The following AKAP19 variants were observed in gnomAD, a reference collection of about 807,000 sequenced individuals.
AKAP19 encodes the protein A-kinase anchoring protein 19.
chr2:190,093,951 C>T, the AKAP19 span, among the ~76,000 whole-genome samples: 1 of 152,236 alleles, frequency 6.6e-6, no homozygotes, highest in East Asian at 1.9e-4. Context: ...TACCCTCTGT[C>T]CTCATCTGTC....
chr2:190,184,756 A>G, the AKAP19 span, among the ~76,000 whole-genome samples: 2 of 152,264 alleles, frequency 1.3e-5, no homozygotes, highest in African/African-American at 2.4e-5. Context: ...TTTCAACTTA[A>G]AGGAGGACTA....
the AKAP19 span, among the ~76,000 whole-genome samples, chr2:189,973,892 A>G: frequency 1.3e-5 from 2 of 151,998 alleles, no homozygotes; most frequent in African/African-American, 4.8e-5. Flanking sequence ...TAGTCTTGCT[A>G]GCAGTCTATC....
the AKAP19 span, among the ~76,000 whole-genome samples, chr2:189,985,219 C>A: frequency 6.6e-6 from 1 of 152,228 alleles, no homozygotes; most frequent in African/African-American, 2.4e-5. Flanking sequence ...GGCACTCCAA[C>A]AGATCCTGGT....
chr2:190,202,231 T>A, the AKAP19 span: 1 of 167,038 alleles, frequency 6.0e-6, no homozygotes, highest in Admixed American at 6.5e-5. Context: ...TATACTTTTA[T>A]CACCAAGCAC....
chr2:190,201,096 A>G, the AKAP19 span: 2 of 167,062 alleles, frequency 1.2e-5, no homozygotes, highest in African/African-American at 4.8e-5. Context: ...GCAAAACGGA[A>G]AAGATAAAAC....
the AKAP19 span, among the ~76,000 whole-genome samples, chr2:190,106,765 G>A: frequency 6.6e-6 from 1 of 152,050 alleles, no homozygotes; most frequent in Non-Finnish European, 1.5e-5. Context: ...TTATTTGTCT[G>A]TGTCTAAAAA....
chr2:190,011,975 A>G, the AKAP19 span, among the ~76,000 whole-genome samples: 1 of 151,866 alleles, frequency 6.6e-6, no homozygotes, highest in Non-Finnish European at 1.5e-5. Context: ...TTTAAAACTC[A>G]CATTGGAATT....
At chr2:190,011,585 AATCC>A in the AKAP19 span, among the ~76,000 whole-genome samples, 1 of 152,162 alleles carries the variant, frequency 6.6e-6, no homozygotes, top group East Asian at 1.9e-4. Flanking sequence ...TTACATCTTT[AATCC>A]ATTTTGAAGT....
the AKAP19 span, chr2:190,200,198 T>A: frequency 6.5e-7 from 1 of 1,537,184 alleles, no homozygotes; most frequent in Non-Finnish European, 8.9e-7. Flanking sequence ...TTTGAATAAA[T>A]GTGACAAAAG....
At chr2:190,179,654 T>C in the AKAP19 span, among the ~76,000 whole-genome samples, 1,497 of 152,318 alleles carry the variant, frequency 9.8e-3, 18 homozygotes, top group African/African-American at 0.034. The surrounding 1 kb of genome is among the most constrained non-coding windows in gnomAD (Gnocchi z 6.0). Context: ...CTTAAACTTC[T>C]CAACTCTTCT....
the AKAP19 span, among the ~76,000 whole-genome samples, chr2:190,193,173 A>G: frequency 6.2e-4 from 95 of 152,216 alleles, no homozygotes; most frequent in African/African-American, 2.2e-3. Context: ...AAAATAAAAA[A>G]TGGTATTTTA....
At chr2:190,165,557 C>A in the AKAP19 span, among the ~76,000 whole-genome samples, 2 of 152,078 alleles carry the variant, frequency 1.3e-5, no homozygotes, top group Non-Finnish European at 2.9e-5. Context: ...TTAGACATAG[C>A]TGAAGACAAT....
chr2:190,184,769 A>G, the AKAP19 span, among the ~76,000 whole-genome samples: 12 of 152,268 alleles, frequency 7.9e-5, no homozygotes, highest in East Asian at 2.1e-3. Flanking sequence ...GAGGACTAGG[A>G]GTAGGAAATG....
the AKAP19 span, among the ~76,000 whole-genome samples, chr2:190,078,453 A>G: frequency 6.6e-6 from 1 of 152,216 alleles, no homozygotes; most frequent in Non-Finnish European, 1.5e-5. Context: ...AGCACTTATG[A>G]TAAGAAAAAA....
At chr2:189,988,929 A>G in the AKAP19 span, among the ~76,000 whole-genome samples, 1 of 152,226 alleles carries the variant, frequency 6.6e-6, no homozygotes, top group Non-Finnish European at 1.5e-5. Flanking sequence ...CCTTTGGAAT[A>G]TAGACAAGGC....
the AKAP19 span, among the ~76,000 whole-genome samples, chr2:189,972,961 G>A: frequency 1.3e-5 from 2 of 152,104 alleles, no homozygotes; most frequent in African/African-American, 4.8e-5. Context: ...TTTCCTAATT[G>A]AATATCCTTT....
the AKAP19 span, among the ~76,000 whole-genome samples, chr2:190,064,216 C>T: frequency 6.6e-6 from 1 of 152,030 alleles, no homozygotes; most frequent in South Asian, 2.1e-4. Flanking sequence ...TGGATTTGCT[C>T]ATCATTAAAG....
At chr2:189,915,323 T>C in the AKAP19 span, among the ~76,000 whole-genome samples, 1 of 152,198 alleles carries the variant, frequency 6.6e-6, no homozygotes, top group Admixed American at 6.5e-5. Context: ...TTTTTACCTA[T>C]GTTACGTTAT....
chr2:190,092,220 T>G, the AKAP19 span, among the ~76,000 whole-genome samples: 1 of 152,232 alleles, frequency 6.6e-6, no homozygotes, highest in Non-Finnish European at 1.5e-5. Flanking sequence ...TAATTTGTCA[T>G]GTTGACTGCT....
Sources: gnomAD v4.1 joint callset for allele counts (sites outside exome capture counted in the v4.1 genomes callset) on GRCh38, gnomAD v4.1.1 for gene constraint, Gnocchi (gnomAD v3.1) non-coding constraint, MANE v1.5 for transcripts, NCBI Gene and HGNC (gene_info 2026-07-23, HGNC 2026-07-21) for gene names.